The following COPA variants were observed in gnomAD, a reference collection of about 807,000 sequenced individuals.
The protein encoded by COPA is coat protein complex I subunit alpha.
COPA carries 10 observed loss-of-function variants against 158.7 expected under a neutral mutation model. The observed-to-expected ratio is 0.06, with a 90% confidence interval of 0.04 to 0.11. COPA has a LOEUF of 0.11. Ranked by LOEUF, COPA falls within the 10% of genes least tolerant of loss-of-function variation. The probability of loss-of-function intolerance (pLI) is 1.00; values close to 1 mark genes in which losing one functional copy is unlikely to be tolerated. For synonymous variants in COPA, 462 were observed against 542.8 expected (o/e 0.85, Z 2.07); for missense variants, 1,065 against 1,536.7 (o/e 0.69, Z 5.13).
chr1:160,325,968 C>T (rs2101863608), intron 6 of COPA: 1 of 221,736 alleles, frequency 4.5e-6, no homozygotes, highest in East Asian at 9.3e-5. Flanking sequence ...GTGTCTGCTT[C>T]AGTTAATGCC....
chr1:160,301,390 A>G (rs935892469), intron 17 of COPA, among the ~76,000 whole-genome samples: 11 of 152,206 alleles, frequency 7.2e-5, no homozygotes, highest in Non-Finnish European at 1.6e-4. Flanking sequence ...CAAAATCAGA[A>G]AAAAATCAGA....
chr1:160,319,462 A>C (rs1168779456), intron 8 of COPA, among the ~76,000 whole-genome samples: 1 of 150,742 alleles, frequency 6.6e-6, no homozygotes, highest in Non-Finnish European at 1.5e-5. Context: ...CCCACTCTCA[A>C]AAACAGACAG....
At chr1:160,294,636 A>G in intron 24 of COPA, 43 bp from the exon 25 acceptor site, 1 of 1,607,146 alleles carries the variant, frequency 6.2e-7, no homozygotes, top group Non-Finnish European at 8.5e-7. Flanking sequence ...GGGCAGTGGC[A>G]TAATCTTAGC....
intron 32 of COPA, 45 bp downstream of exon 32, chr1:160,290,447 C>A (rs748426622): frequency 4.4e-6 from 7 of 1,579,540 alleles, no homozygotes; most frequent in African/African-American, 1.4e-5. Flanking sequence ...TTCTTTTTCC[C>A]CTTCGCTCAA....
chr1:160,310,177 C>A lies in COPA; in HGVS notation c.1143+15G>T. The stretch of plus-strand genomic sequence containing the variant: ...AAAATGAGGAGAACCTAGGAGGGCT[C>A]CACAGGTTACTTACTGTACAAAGCA... On this transcript the variant is annotated intron_variant, in intron 12 of 32. Coordinates refer to ENST00000241704, the MANE Select transcript of COPA (RefSeq NM_004371.4). 6.5e-7 allele frequency: 1 copy of A among 1,529,476 alleles called. No homozygotes were observed. The highest frequency in any genetic ancestry group is 1.4e-5 in the African/African-American group (1 of 70,932). The allele number at this position is 1,529,476 out of a possible 1,614,324, so 94.7% of individuals were successfully genotyped here.
Position 160,305,230 on chromosome 1 carries a change from T to A in COPA, c.1667+203A>T, listed in dbSNP as rs541900612. Reference sequence around the variant, plus strand: ...ACTTATTTGTTATTCTATTTTTTTTTAATGTAATTGTCTATATTTGTTTTA... The same window carrying A: ...ACTTATTTGTTATTCTATTTTTTTTAAATGTAATTGTCTATATTTGTTTTA... On this transcript the variant is annotated intron_variant, in intron 17 of 32. Coordinates refer to ENST00000241704, the MANE Select transcript of COPA (RefSeq NM_004371.4). 1.8e-4 allele frequency: 93 copies of A among 506,080 alleles called. 2 individuals carry two copies. The South Asian group carries it at 2.4e-3, about 13-fold the overall frequency. The allele number at this position is 506,080 out of a possible 1,614,324, so 31.3% of individuals were successfully genotyped here. A position where few individuals can be genotyped will look rare whatever the true frequency, so the allele number is the denominator to read the frequency against.
At chr1:160,341,537 A>G (rs962032018) in intron 1 of COPA, among the ~76,000 whole-genome samples, 5 of 152,234 alleles carry the variant, frequency 3.3e-5, no homozygotes, top group Middle Eastern at 6.3e-3. Flanking sequence ...GCTCAGGAAT[A>G]GAATATGTGC....
chr1:160,338,590 A>G (rs1386267648), intron 3 of COPA, among the ~76,000 whole-genome samples: 1 of 152,180 alleles, frequency 6.6e-6, no homozygotes, highest in African/African-American at 2.4e-5. Flanking sequence ...TGCTATTATG[A>G]TAGTCAGTTG....
Position 160,296,163 on chromosome 1 carries a change from A to G in COPA, c.2264-14T>C. 1 of 1,612,126 alleles carries G rather than the reference A, an allele frequency of 6.2e-7. No individual in the cohort carries two copies. Among genetic ancestry groups the G allele is most frequent in the Non-Finnish European group, 8.5e-7 (1 of 1,178,224 alleles). On this transcript the variant is annotated splice_polypyrimidine_tract_variant and intron_variant, in intron 21 of 32. Coordinates refer to ENST00000241704, the MANE Select transcript of COPA (RefSeq NM_004371.4). The stretch of plus-strand genomic sequence containing the variant: ...AGGCCAGGGACTCTGTAGAGAAAAC[A>G]GACTTTGTGGTATAGGTACATTTCC...
chr1:160,335,271 C>T lies in COPA; in HGVS notation c.280G>A (p.Asp94Asn), dbSNP rs1459601247. Residue 94 changes from aspartate (D) to asparagine (N), a missense_variant, in exon 4 of 33, where the codon GAT (aspartate) becomes AAT (asparagine). Physicochemically the swap from Asp to Asn is conservative, Grantham distance 23. This residue lies in a region of COPA where 85 missense variants were observed against 178.9 expected (regional missense o/e 0.48). Coordinates refer to ENST00000241704, the MANE Select transcript of COPA (RefSeq NM_004371.4). ...RCLFTLLGHL[D>N]YIRTTFFHHE... ...TGAAAAAACGTGGTGCGAATATAATCTAAGTGCCCAAGCAATGTGAAAAGA... is the reference window on the plus strand; with the variant it reads ...TGAAAAAACGTGGTGCGAATATAATTTAAGTGCCCAAGCAATGTGAAAAGA... The T allele has an allele frequency of 6.2e-7, 1 of 1,611,856 alleles. No individual in the cohort carries two copies. Among genetic ancestry groups the T allele is most frequent in the African/African-American group, 1.3e-5 (1 of 74,942 alleles).
chr1:160,331,834 G>A lies in COPA; in HGVS notation c.496+614C>T, dbSNP rs58990568. On this transcript the variant is annotated intron_variant, in intron 6 of 32. Coordinates refer to ENST00000241704, the MANE Select transcript of COPA (RefSeq NM_004371.4). The stretch of plus-strand genomic sequence containing the variant: ...GTGGTCACATGCATCTGTAGTCCCA[G>A]CTACTCAGGAGGCTGAGGGAGAATT... Among the ~76,000 whole-genome samples the A allele has an allele frequency of 1.9e-3, 290 of 151,944 alleles. 3 individuals are homozygous for A. Among genetic ancestry groups the A allele is most frequent in the African/African-American group, 5.9e-3 (244 of 41,406 alleles).
intron 8 of COPA, among the ~76,000 whole-genome samples, chr1:160,320,191 AAACAT>A (rs1659287607): frequency 6.6e-6 from 1 of 152,170 alleles, no homozygotes; most frequent in Non-Finnish European, 1.5e-5. Flanking sequence ...ATGAGAAAGG[AAACAT>A]AACAACTGAG....
Position 160,306,426 on chromosome 1 carries a change from A to T in COPA, c.1370T>A (p.Phe457Tyr), listed in dbSNP as rs1160919568. 1 of 1,614,068 alleles carries T rather than the reference A, an allele frequency of 6.2e-7. No homozygotes were observed. Among genetic ancestry groups the T allele is most frequent in the African/African-American group, 1.3e-5 (1 of 74,926 alleles). ...CAGGAGATTGCCTGTGCCAGCATAG[A>T]AGATCTCATCACAGTTGGGCACCTG... ...KVQVPNCDEI[F>Y]YAGTGNLLLR... Residue 457 changes from phenylalanine to tyrosine, a missense_variant, in exon 15 of 33, where the codon TTC becomes TAC. By Grantham distance (22) the Phe-to-Tyr change is conservative. Coordinates refer to ENST00000241704, the MANE Select transcript of COPA (RefSeq NM_004371.4).
chr1:160,312,038 G>A lies in COPA; in HGVS notation c.926-20C>T, dbSNP rs762428097. 10 of 1,606,266 alleles carry A rather than the reference G, an allele frequency of 6.2e-6. No homozygotes were observed. The highest frequency in any genetic ancestry group is 1.3e-5 in the African/African-American group (1 of 74,608). ...CATGGCCTGGGGGACAGGGAGAGGA[G>A]GAGAAAAAATTAAGCTGTAGGCAAG... On this transcript the variant is annotated intron_variant, in intron 10 of 32. Transcript: ENST00000241704.
chr1:160,292,652 GC>G, intron 27 of COPA, 32 bp from the exon 28 acceptor site: 8 of 1,546,970 alleles, frequency 5.2e-6, no homozygotes, highest in Non-Finnish European at 6.1e-6. Context: ...AAGGATTTTG[GC>G]CCTGCTGCAT....
Position 160,297,636 on chromosome 1 carries a change from C to A in COPA, c.2087G>T (p.Arg696Leu). 1 of 1,614,126 alleles carries A rather than the reference C, an allele frequency of 6.2e-7. No individual in the cohort carries two copies. The highest frequency in any genetic ancestry group is 8.5e-7 in the Non-Finnish European group (1 of 1,180,018). ...GGAAAGTTTGTCAAAGTTTTTGGTA[C>A]GCTGATAGCACATTTCCACAATCTG... ...NHQIVEMCYQ[R>L]TKNFDKLSFL... The change falls in exon 20 of 33, where the codon CGT becomes CTT. Residue 696 changes from arginine (R) to leucine (L), a missense_variant. Arg to Leu is a moderately radical substitution (Grantham distance 102). Transcript: ENST00000241704.
chr1:160,339,794 T>G, intron 3 of COPA, 115 bp downstream of exon 3: 1 of 864,028 alleles, frequency 1.2e-6, no homozygotes, highest in South Asian at 1.7e-5. Flanking sequence ...GATAATGTTG[T>G]CAAAGGCCTG....
At position 160,299,069 on chromosome 1, in the gene COPA, C is replaced by T. The variant is rs1658509961; in HGVS notation, c.1830+33G>A. On this transcript the variant is annotated intron_variant, in intron 18 of 32. Transcript: ENST00000241704. Reference sequence around the variant, plus strand: ...GAAAAAAAAAAAGAGTGCTGCCTCTCTTAATACTCTAGTTTGCATCCTCAC... The same window carrying T: ...GAAAAAAAAAAAGAGTGCTGCCTCTTTTAATACTCTAGTTTGCATCCTCAC... 1.9e-6 allele frequency: 3 copies of T among 1,610,302 alleles called. No homozygotes were observed. In the South Asian group the frequency reaches 3.3e-5, roughly 18 times the overall value.
intron 13 of COPA, among the ~76,000 whole-genome samples, chr1:160,308,658 G>A (rs561252910): frequency 6.6e-6 from 1 of 152,210 alleles, no homozygotes; most frequent in African/African-American, 2.4e-5. Context: ...CAGGTGGGGT[G>A]TGGGGCTGTT....
Sources: gnomAD v4.1 joint callset for allele counts (sites outside exome capture counted in the v4.1 genomes callset) on GRCh38, gnomAD v4.1.1 for gene constraint, gnomAD v4.1.1 regional missense constraint, MANE v1.5 for transcripts, NCBI Gene and HGNC (gene_info 2026-07-23, HGNC 2026-07-21) for gene names.